The following RYR2 variants were observed in gnomAD, a reference collection of about 807,000 sequenced individuals.
The protein encoded by RYR2 is ryanodine receptor 2.
RYR2 carries 227 observed loss-of-function variants against 601.1 expected under a neutral mutation model. The ratio of observed to expected loss-of-function variants is 0.38; its 90% confidence interval spans 0.34 to 0.42. The LOEUF (loss-of-function observed/expected upper bound fraction) is 0.42. RYR2 is among the 10% of genes least tolerant of loss of function. The pLI is 1.00. For missense variants in RYR2, 4,646 were observed against 6,156.5 expected, an observed-to-expected ratio of 0.75 and a Z score of 8.21; for synonymous variants, 2,223 against 2,175.1, an observed-to-expected ratio of 1.02 and a Z score of -0.61.
intron 95 of RYR2, 75 bp from the exon 96 acceptor site, chr1:237,795,214 A>G (rs1158892133): frequency 2.8e-6 from 2 of 708,914 alleles, no homozygotes; most frequent in Non-Finnish European, 4.6e-6. Flanking sequence ...TAAGTATGCC[A>G]TATATCCCAA....
At chr1:237,126,277 T>C (rs925779523) in intron 1 of RYR2, among the ~76,000 whole-genome samples, 3 of 151,630 alleles carry the variant, frequency 2.0e-5, no homozygotes, top group Admixed American at 2.0e-4. Flanking sequence ...GAAAACCCTG[T>C]GGTGGCCATG....
intron 1 of RYR2, among the ~76,000 whole-genome samples, chr1:237,117,678 TTCTCTTCTCTTCTCTTCTCTTCTCTTC>T (rs1670252716): frequency 2.4e-5 from 1 of 40,904 alleles, no homozygotes; most frequent in African/African-American, 1.1e-4. Context: ...CTTCCTTCTC[TTCTCTTCTCTTCTCTTCTCTTCTCTTC>T]TCTTCTCTTC....
At chr1:237,703,017 T>A (rs2797437) in intron 66 of RYR2, among the ~76,000 whole-genome samples, 146,226 of 152,024 alleles carry the variant, frequency 0.96, 70,597 homozygotes, top group East Asian at 1. Context: ...AATTTATTGA[T>A]ATGTGACTTT....
intron 63 of RYR2, among the ~76,000 whole-genome samples, chr1:237,690,119 G>A (rs561002802): frequency 6.6e-6 from 1 of 152,270 alleles, no homozygotes; most frequent in South Asian, 2.1e-4. Context: ...TTACAAGTGT[G>A]AGCCACCGTG....
At chr1:237,686,842 A>G (rs1200216510) in intron 62 of RYR2, among the ~76,000 whole-genome samples, 2 of 152,174 alleles carry the variant, frequency 1.3e-5, no homozygotes, top group Admixed American at 1.3e-4. Context: ...CACATCTGTA[A>G]TGCTTTCCTC....
At chr1:237,686,729 G>A (rs1686426751) in intron 62 of RYR2, among the ~76,000 whole-genome samples, 1 of 152,128 alleles carries the variant, frequency 6.6e-6, no homozygotes, top group African/African-American at 2.4e-5. Context: ...TATTTGGAAT[G>A]GCTCATTGCT....
chr1:237,160,779 A>C (rs958791505), intron 1 of RYR2, among the ~76,000 whole-genome samples: 2 of 152,154 alleles, frequency 1.3e-5, no homozygotes, highest in African/African-American at 4.8e-5. Context: ...AACCCAAAAG[A>C]ACTAAGAAAC....
chr1:237,666,723 A>G, intron 57 of RYR2, 134 bp downstream of exon 57: 1 of 712,290 alleles, frequency 1.4e-6, no homozygotes, highest in Non-Finnish European at 2.3e-6. Flanking sequence ...TGGAATTTAT[A>G]GATTATATAC....
intron 101 of RYR2, among the ~76,000 whole-genome samples, chr1:237,823,141 G>A (rs1331341204): frequency 6.6e-6 from 1 of 152,100 alleles, no homozygotes; most frequent in Non-Finnish European, 1.5e-5. Flanking sequence ...AAATTAACAA[G>A]GATATCCAGG....
At chr1:237,460,391 G>C (rs1659343901) in intron 16 of RYR2, among the ~76,000 whole-genome samples, 1 of 152,116 alleles carries the variant, frequency 6.6e-6, no homozygotes, top group Non-Finnish European at 1.5e-5. Flanking sequence ...TGTTGAAACT[G>C]GGTCAACTCC....
chr1:237,619,086 A>C (rs1163679944), intron 38 of RYR2, among the ~76,000 whole-genome samples: 1 of 152,166 alleles, frequency 6.6e-6, no homozygotes, highest in Non-Finnish European at 1.5e-5. Flanking sequence ...AAACCAGGTG[A>C]AACAGAGTTA....
At chr1:237,680,328 G>A (rs999901426) in intron 61 of RYR2, 128 bp from the exon 62 acceptor site, 4 of 624,040 alleles carry the variant, frequency 6.4e-6, no homozygotes, top group East Asian at 5.5e-5. Flanking sequence ...ATACTATGAC[G>A]TGCCTGGCAT....
At chr1:237,406,157 T>TTCCCTTCCCTCCCCTCCCCTC (rs1200772870) in intron 10 of RYR2, among the ~76,000 whole-genome samples, 3 of 30,256 alleles carry the variant, frequency 9.9e-5, no homozygotes, top group African/African-American at 2.9e-4. Context: ...CCCCTCCCCT[T>TTCCCTTCCCTCCCCTCCCCTC]CCCTTCCCTT....
At chr1:237,778,570 T>C (rs745421088) in intron 87 of RYR2, 96 bp from the exon 88 acceptor site, 8 of 572,652 alleles carry the variant, frequency 1.4e-5, no homozygotes, top group Non-Finnish European at 1.9e-5. Flanking sequence ...CAGTGAAATA[T>C]ATCAGCACTA....
rs12409778 is a variant in RYR2, at chr1:237,190,175, C to T, written c.49-80322C>T. On this transcript the variant is annotated intron_variant, in intron 1 of 104. Transcript: ENST00000366574. Reference sequence around the variant, plus strand: ...AAGTGCTGGGATAACAGGCTTGAGCCACCGTGCCCAGCCATACTGTTTTCT... The same window carrying T: ...AAGTGCTGGGATAACAGGCTTGAGCTACCGTGCCCAGCCATACTGTTTTCT... 6.3e-3 allele frequency among the ~76,000 whole-genome samples: 956 copies of T among 152,260 alleles called. 21 individuals carry two copies. Among genetic ancestry groups the T allele is most frequent in the East Asian group, 0.04 (206 of 5,184 alleles).
At chr1:237,533,638 G>T (rs1237555294) in intron 25 of RYR2, among the ~76,000 whole-genome samples, 1 of 151,814 alleles carries the variant, frequency 6.6e-6, no homozygotes, top group Non-Finnish European at 1.5e-5. Context: ...ATTCTACAAG[G>T]GTGATGCAAT....
intron 87 of RYR2, among the ~76,000 whole-genome samples, chr1:237,774,554 G>C (rs938251157): frequency 3.9e-5 from 6 of 152,068 alleles, no homozygotes; most frequent in African/African-American, 1.4e-4. Context: ...TTGCCTTGGT[G>C]GGGAAGAGGA....
chr1:237,655,790 A>T, intron 52 of RYR2, 31 bp from the exon 53 acceptor site: 4 of 1,182,080 alleles, frequency 3.4e-6, no homozygotes, highest in South Asian at 1.6e-5. Context: ...CCATATAGTA[A>T]TTTTTTTTTT....
intron 12 of RYR2, among the ~76,000 whole-genome samples, chr1:237,427,569 G>A (rs1469159890): frequency 6.6e-5 from 10 of 151,934 alleles, no homozygotes; most frequent in Non-Finnish European, 1.3e-4. Flanking sequence ...GATCACTTGA[G>A]GTCAAGAGTT....
Sources: gnomAD v4.1 joint callset for allele counts (sites outside exome capture counted in the v4.1 genomes callset) on GRCh38, gnomAD v4.1.1 for gene constraint, MANE v1.5 for transcripts, NCBI Gene and HGNC (gene_info 2026-07-23, HGNC 2026-07-21) for gene names.